Variants in PARP8 observed in about 807,000 individuals in gnomAD.
PARP8 encodes the protein protein mono-ADP-ribosyltransferase PARP8.
In PARP8, 51 loss-of-function variants were observed where a neutral mutation model predicts 124.1. The observed-to-expected ratio is 0.41, with a 90% CI of 0.33 to 0.52. PARP8 has a LOEUF of 0.52. Among genes scored for constraint, PARP8 ranks in the 20% least tolerant of loss-of-function variants. The probability of loss-of-function intolerance (pLI) is 0.21; values close to 1 mark genes in which losing one functional copy is unlikely to be tolerated. For synonymous variants in PARP8, 391 were observed against 361.5 expected (o/e 1.08, Z -0.93); for missense variants, 860 against 1,018.9 (o/e 0.84, Z 2.12).
At chr5:50,802,174 T>C (rs1483014162) in intron 14 of PARP8, among the ~76,000 whole-genome samples, 1 of 152,210 alleles carries the variant, frequency 6.6e-6, no homozygotes, top group African/African-American at 2.4e-5. Context: ...TACTGCCTTC[T>C]TTTGTGTGTT....
chr5:50,833,427 G>A lies in PARP8; in HGVS notation c.2308-552G>A, dbSNP rs78857756. ...TCCCATGTTGTTTCAGAGAAAACAA[G>A]TATATTCTGGGAAAATTAAAAAATC... On this transcript the variant is annotated intron_variant, in intron 23 of 25. Coordinates refer to ENST00000281631, the MANE Select transcript of PARP8 (RefSeq NM_024615.4). 1.2e-4 allele frequency: 53 copies of A among 453,832 alleles called. 1 individual carries two copies. The East Asian group carries it at 3.3e-3, about 28-fold the overall frequency. 28.1% of individuals were successfully genotyped at this position (453,832 alleles called of 1,614,324 possible).
intron 9 of PARP8, 56 bp downstream of exon 9, chr5:50,778,706 C>A: frequency 1.7e-6 from 2 of 1,148,276 alleles, no homozygotes; most frequent in Non-Finnish European, 1.2e-6. Flanking sequence ...TGCACTATGC[C>A]TTAAGCAAAA....
chr5:50,690,959 A>G (rs1400947345), intron 2 of PARP8, among the ~76,000 whole-genome samples: 8 of 152,126 alleles, frequency 5.3e-5, no homozygotes, highest in Non-Finnish European at 1.2e-4. Context: ...TGACATTGAA[A>G]TTCATATAGA....
chr5:50,778,174 A>AT (rs1740247724), intron 8 of PARP8, 45 bp downstream of exon 8: 2 of 1,327,694 alleles, frequency 1.5e-6, no homozygotes, highest in South Asian at 2.7e-5. Context: ...TTTAAAATAC[A>AT]TTTTATTTTA....
At chr5:50,729,468 C>G (rs1756759881) in intron 2 of PARP8, among the ~76,000 whole-genome samples, 1 of 152,142 alleles carries the variant, frequency 6.6e-6, no homozygotes, top group Non-Finnish European at 1.5e-5. Flanking sequence ...GAACTAAGTT[C>G]TGGACCAAGT....
chr5:50,726,671 T>A (rs149014129), intron 2 of PARP8, among the ~76,000 whole-genome samples: 34 of 152,280 alleles, frequency 2.2e-4, no homozygotes, highest in African/African-American at 7.7e-4. Flanking sequence ...TGGTCTCATG[T>A]AGACTTGCTG....
intron 2 of PARP8, among the ~76,000 whole-genome samples, chr5:50,689,008 A>G (rs1177879554): frequency 1.3e-5 from 2 of 149,838 alleles, no homozygotes; most frequent in African/African-American, 4.9e-5. Context: ...AGATGTTTAA[A>G]TATGAATGAA....
At chr5:50,709,971 C>A (rs1437382011) in intron 2 of PARP8, among the ~76,000 whole-genome samples, 1 of 132,134 alleles carries the variant, frequency 7.6e-6, no homozygotes, top group African/African-American at 3.0e-5. Context: ...TACATATATA[C>A]ACACACACAC....
Position 50,844,766 on chromosome 5 carries a change from T to G in PARP8, c.*2698T>G, listed in dbSNP as rs1015870516. The stretch of plus-strand genomic sequence containing the variant: ...GTTCTACTTTTTCCTGCATTGCTTA[T>G]TTTGTAAACATTTTACTATGAATAA... On this transcript the variant is annotated 3_prime_UTR_variant, in exon 26 of 26. Transcript: ENST00000281631. 2.6e-5 allele frequency: 4 copies of G among 151,744 alleles called. No individual in the cohort carries two copies. The highest frequency in any genetic ancestry group is 7.2e-5 in the African/African-American group (3 of 41,404). 9.4% of individuals were successfully genotyped at this position (151,744 alleles called of 1,614,324 possible). A position where few individuals can be genotyped will look rare whatever the true frequency, so the allele number is the denominator to read the frequency against.
At chr5:50,680,948 C>G (rs1296551243) in intron 2 of PARP8, among the ~76,000 whole-genome samples, 3 of 152,094 alleles carry the variant, frequency 2.0e-5, no homozygotes, top group Admixed American at 1.3e-4. Flanking sequence ...GACAAGGCAT[C>G]TGACTACCTT....
chr5:50,744,599 C>T, intron 2 of PARP8: 3 of 516,404 alleles, frequency 5.8e-6, no homozygotes, highest in Non-Finnish European at 1.0e-5. Context: ...CTTTAAGAAC[C>T]ATGCATCACA....
intron 7 of PARP8, among the ~76,000 whole-genome samples, chr5:50,769,629 A>G (rs1321091823): frequency 6.6e-6 from 1 of 151,660 alleles, no homozygotes; most frequent in East Asian, 1.9e-4. Context: ...AGTGTAAACA[A>G]AAAAGGAATT....
intron 2 of PARP8, among the ~76,000 whole-genome samples, chr5:50,704,342 T>C (rs747614060): frequency 3.3e-5 from 5 of 152,190 alleles, no homozygotes; most frequent in Admixed American, 6.5e-5. Flanking sequence ...TGTCAGGACA[T>C]AATCAGAAAA....
chr5:50,673,900 G>A (rs569191878), intron 2 of PARP8, among the ~76,000 whole-genome samples: 1 of 152,282 alleles, frequency 6.6e-6, no homozygotes, highest in Non-Finnish European at 1.5e-5. Context: ...AAAATATTTT[G>A]TAATTATCTG....
chr5:50,779,099 T>C (rs182551729), intron 9 of PARP8, among the ~76,000 whole-genome samples: 23 of 152,256 alleles, frequency 1.5e-4, no homozygotes, highest in African/African-American at 4.8e-4. Context: ...TTTCAACTGA[T>C]AGCTGTTTAC....
At chr5:50,771,811 A>G (rs1280305889) in intron 7 of PARP8, among the ~76,000 whole-genome samples, 3 of 152,234 alleles carry the variant, frequency 2.0e-5, no homozygotes, top group African/African-American at 7.2e-5. Flanking sequence ...TACTGGTCAA[A>G]TGATGGTGTT....
chr5:50,826,144 C>T (rs1455002420), intron 18 of PARP8, among the ~76,000 whole-genome samples: 1 of 152,016 alleles, frequency 6.6e-6, no homozygotes, highest in African/African-American at 2.4e-5. Flanking sequence ...TCATTTCCTT[C>T]AGCTTGTTAG....
At chr5:50,699,601 G>T (rs1753377656) in intron 2 of PARP8, among the ~76,000 whole-genome samples, 1 of 152,054 alleles carries the variant, frequency 6.6e-6, no homozygotes, top group Admixed American at 6.6e-5. Context: ...AGAGGTTATT[G>T]TGGGTCACCC....
rs191714378 is a variant in PARP8, at chr5:50,679,082, G to A, written c.146+10957G>A. The stretch of plus-strand genomic sequence containing the variant: ...ACACTGGTTTTCTGCCTGTGGAGAA[G>A]CCACCTTTTTATTCCTTTACTTTCT... On this transcript the variant is annotated intron_variant, in intron 2 of 25. Coordinates refer to ENST00000281631, the MANE Select transcript of PARP8 (RefSeq NM_024615.4). Among the ~76,000 whole-genome samples the A allele has an allele frequency of 2.2e-3, 341 of 152,100 alleles. 1 individual carries two copies. Among genetic ancestry groups the A allele is most frequent in the African/African-American group, 7.1e-3 (295 of 41,480 alleles).
Sources: allele counts gnomAD v4.1 joint callset (sites outside exome capture counted in the v4.1 genomes callset), GRCh38; gene constraint gnomAD v4.1.1; transcripts MANE v1.5; gene names NCBI Gene and HGNC (gene_info 2026-07-23, HGNC 2026-07-21).